The following ATXN7L1 variants were observed in gnomAD, a reference collection of about 807,000 sequenced individuals.
ATXN7L1 encodes the protein ataxin 7 like 1, also known as ataxin-7-like protein 1.
In ATXN7L1, 15 loss-of-function variants were observed where a neutral mutation model predicts 70.8. The ratio of observed to expected loss-of-function variants is 0.21; its 90% confidence interval spans 0.14 to 0.33. The LOEUF (loss-of-function observed/expected upper bound fraction) is 0.33, where lower values mean the gene tolerates loss of function less well. Among genes scored for constraint, ATXN7L1 ranks in the 10% least tolerant of loss-of-function variants. The pLI is 1.00. For missense variants in ATXN7L1, 975 were observed against 1,097.1 expected, an observed-to-expected ratio of 0.89 and a Z score of 1.57; for synonymous variants, 440 against 445.1, an observed-to-expected ratio of 0.99 and a Z score of 0.14.
intron 2 of ATXN7L1, among the ~76,000 whole-genome samples, chr7:105,861,510 G>A (rs1047455421): frequency 7.6e-4 from 115 of 151,796 alleles, no homozygotes; most frequent in African/African-American, 2.8e-3. Context: ...GATAGTGATG[G>A]GGAAAACGCA....
chr7:105,865,043 TG>T lies in ATXN7L1; in HGVS notation c.250+10768del, dbSNP rs563254279. On this transcript the variant is annotated intron_variant, in intron 2 of 11. Transcript: ENST00000419735. ...GACATACAAGTTGACAAAAGATGCC[TG>T]GTGAGCCCCGGGCATCCCCCGGAGC... Among the ~76,000 whole-genome samples the T allele has an allele frequency of 1.5e-3, 236 of 152,316 alleles. 1 individual carries two copies. The highest frequency in any genetic ancestry group is 5.4e-3 in the African/African-American group (226 of 41,576).
intron 7 of ATXN7L1, among the ~76,000 whole-genome samples, chr7:105,624,649 CAA>C (rs386410908): frequency 8.7e-6 from 1 of 114,936 alleles, no homozygotes. Flanking sequence ...GACTCTGTCT[CAA>C]AAAAAAAAAA....
intron 3 of ATXN7L1, among the ~76,000 whole-genome samples, chr7:105,703,234 G>A (rs1160825819): frequency 6.6e-6 from 1 of 151,986 alleles, no homozygotes; most frequent in East Asian, 1.9e-4. Flanking sequence ...GAACCCAGGA[G>A]GCAGAGGTTG....
intron 2 of ATXN7L1, among the ~76,000 whole-genome samples, chr7:105,789,260 T>C (rs1804774950): frequency 6.6e-6 from 1 of 152,202 alleles, no homozygotes; most frequent in Non-Finnish European, 1.5e-5. Context: ...CATTATTCAT[T>C]CAGTAAATAT....
At chr7:105,863,369 C>T (rs1203595158) in intron 2 of ATXN7L1, among the ~76,000 whole-genome samples, 1 of 152,236 alleles carries the variant, frequency 6.6e-6, no homozygotes, top group Non-Finnish European at 1.5e-5. Context: ...CTGGCTTACA[C>T]AGTCAAGGGG....
chr7:105,839,584 C>G (rs1812903887), intron 2 of ATXN7L1, among the ~76,000 whole-genome samples: 2 of 152,190 alleles, frequency 1.3e-5, no homozygotes, highest in African/African-American at 2.4e-5. Context: ...AGTCTTCTCC[C>G]TTTTCTCCCT....
intron 3 of ATXN7L1, among the ~76,000 whole-genome samples, chr7:105,678,642 T>A (rs536649435): frequency 6.6e-6 from 1 of 152,164 alleles, no homozygotes; most frequent in African/African-American, 2.4e-5. Flanking sequence ...GTGCACTGAG[T>A]AGATAATACA....
At chr7:105,658,498 T>G (rs984609302) in intron 4 of ATXN7L1, among the ~76,000 whole-genome samples, 2 of 150,224 alleles carry the variant, frequency 1.3e-5, no homozygotes, top group South Asian at 2.1e-4. Flanking sequence ...TGCTGTTGAC[T>G]AAAACGCTGT....
chr7:105,788,873 G>A (rs1038479888), intron 2 of ATXN7L1, among the ~76,000 whole-genome samples, 165 bp from the exon 3 acceptor site: 19 of 152,138 alleles, frequency 1.2e-4, no homozygotes, highest in African/African-American at 4.3e-4. Context: ...GCAACTCCCC[G>A]CCTCTTAGAG....
In ATXN7L1 at chr7:105,606,050, C is replaced by CA. The variant is rs990312503; in HGVS notation, c.*1801_*1802insT. 2 of 148,584 alleles carry CA rather than the reference C, an allele frequency of 1.3e-5. No individual in the cohort carries two copies. The highest frequency in any genetic ancestry group is 4.9e-5 in the African/African-American group (2 of 40,536). The allele number at this position is 148,584 out of a possible 1,614,324, so 9.2% of individuals were successfully genotyped here. Reference sequence around the variant, plus strand: ...TTATAAGTCTTAAAATCTCCTTAACCTTTTTTTTTTAAAAAAAGAAAAAGT... The same window carrying CA: ...TTATAAGTCTTAAAATCTCCTTAACCATTTTTTTTTTAAAAAAAGAAAAAGT... On this transcript the variant is annotated 3_prime_UTR_variant, in exon 12 of 12. Transcript: ENST00000419735.
At chr7:105,855,420 A>G (rs1242666048) in intron 2 of ATXN7L1, among the ~76,000 whole-genome samples, 1 of 152,196 alleles carries the variant, frequency 6.6e-6, no homozygotes, top group Non-Finnish European at 1.5e-5. Flanking sequence ...GTCATTTACC[A>G]TCTAATGTAT....
chr7:105,801,844 G>A (rs1336507130), intron 2 of ATXN7L1, among the ~76,000 whole-genome samples: 1 of 152,148 alleles, frequency 6.6e-6, no homozygotes, highest in East Asian at 1.9e-4. Flanking sequence ...CTTGAAAATT[G>A]GCAAACACTA....
chr7:105,822,923 A>G (rs986476471), intron 2 of ATXN7L1, among the ~76,000 whole-genome samples: 2 of 152,178 alleles, frequency 1.3e-5, no homozygotes, highest in Non-Finnish European at 2.9e-5. Flanking sequence ...TCACTAATGT[A>G]TTAGACTAGT....
intron 2 of ATXN7L1, among the ~76,000 whole-genome samples, chr7:105,848,274 C>T (rs1406819097): frequency 6.6e-6 from 1 of 152,200 alleles, no homozygotes; most frequent in East Asian, 1.9e-4. Flanking sequence ...CACTCTCATA[C>T]ACTCCTGATG....
intron 2 of ATXN7L1, among the ~76,000 whole-genome samples, chr7:105,850,718 G>T (rs1200745304): frequency 6.6e-6 from 1 of 152,114 alleles, no homozygotes; most frequent in Admixed American, 6.5e-5. Flanking sequence ...GCTCCATATG[G>T]CCTGCCTGTT....
chr7:105,777,211 T>C lies in ATXN7L1; in HGVS notation c.355+11393A>G, dbSNP rs529365417. ...AGAGGGCAAAGGAGCCAGCTGACGA[T>C]TGAGTTGGGTGGCAGCTAAGCCCAG... On this transcript the variant is annotated intron_variant, in intron 3 of 11. Transcript: ENST00000419735. Among the ~76,000 whole-genome samples, 31 of 152,236 alleles carry C rather than the reference T, an allele frequency of 2.0e-4. 1 individual carries two copies. Among genetic ancestry groups the C allele is most frequent in the South Asian group, 6.2e-4 (3 of 4,802 alleles).
intron 2 of ATXN7L1, among the ~76,000 whole-genome samples, chr7:105,802,610 A>G (rs954531587): frequency 7.2e-5 from 11 of 152,148 alleles, no homozygotes; most frequent in African/African-American, 2.7e-4. Context: ...TATTTACTTA[A>G]GGTCTGCATG....
At chr7:105,727,766 AT>A (rs745345310) in intron 3 of ATXN7L1, among the ~76,000 whole-genome samples, 25 of 86,928 alleles carry the variant, frequency 2.9e-4, no homozygotes, top group African/African-American at 4.1e-4. Flanking sequence ...ATATATATAT[AT>A]ATATATATAT....
chr7:105,735,307 C>T (rs1417772786), intron 3 of ATXN7L1, among the ~76,000 whole-genome samples: 2 of 152,236 alleles, frequency 1.3e-5, no homozygotes, highest in Non-Finnish European at 2.9e-5. Context: ...TCCAGTCCTT[C>T]TTTTGGGATA....
Sources: gnomAD v4.1 joint callset for allele counts (sites outside exome capture counted in the v4.1 genomes callset) on GRCh38, gnomAD v4.1.1 for gene constraint, MANE v1.5 for transcripts, NCBI Gene and HGNC (gene_info 2026-07-23, HGNC 2026-07-21) for gene names.